Variants in SNRPN observed in about 807,000 individuals in gnomAD.
The protein encoded by SNRPN is small nuclear ribonucleoprotein-associated protein N.
A neutral mutation model predicts 25.2 loss-of-function variants in SNRPN; 7 were observed. The observed-to-expected ratio is 0.28, with a 90% CI of 0.16 to 0.52. The LOEUF (loss-of-function observed/expected upper bound fraction) is 0.52. SNRPN is among the 20% of genes least tolerant of loss of function. SNRPN has a pLI of 0.96. For synonymous variants in SNRPN, 124 were observed against 110.6 expected, an observed-to-expected ratio of 1.12 and a Z score of -0.76; for missense variants, 196 against 322.5, an observed-to-expected ratio of 0.61 and a Z score of 3.00.
intron 2 of SNRPN, among the ~76,000 whole-genome samples, chr15:24,965,653 C>T (rs545448782): frequency 6.6e-6 from 1 of 152,140 alleles, no homozygotes; most frequent in East Asian, 1.9e-4. Context: ...ATCGTGAGTT[C>T]GAAGGGAAAT....
At chr15:24,843,442 G>C (rs2051872661) in intron 2 of SNRPN, among the ~76,000 whole-genome samples, 1 of 152,122 alleles carries the variant, frequency 6.6e-6, no homozygotes, top group South Asian at 2.1e-4. Flanking sequence ...GAGGCCAACA[G>C]TTCAAGAGCA....
chr15:24,923,505 T>C (rs1003998875), intron 3 of SNRPN, among the ~76,000 whole-genome samples: 2 of 152,148 alleles, frequency 1.3e-5, no homozygotes, highest in Admixed American at 6.6e-5. Context: ...ACATGCACAG[T>C]TGATGAAAAG....
intron 1 of SNRPN, among the ~76,000 whole-genome samples, chr15:24,882,381 A>T (rs1331543417): frequency 6.6e-6 from 1 of 152,180 alleles, no homozygotes; most frequent in South Asian, 2.1e-4. Flanking sequence ...ATATTTTAGC[A>T]AGCATGATTT....
intron 5 of SNRPN, 90 bp from the exon 6 acceptor site, chr15:24,976,215 G>A: frequency 1.0e-6 from 1 of 976,222 alleles, no homozygotes; most frequent in Non-Finnish European, 1.6e-6. Context: ...AGCATCAGTT[G>A]TCTTAATTGA....
Position 24,928,739 on chromosome 15 carries a change from G to A in SNRPN, c.-391+8615G>A, listed in dbSNP as rs377398463. 5.8e-3 allele frequency among the ~76,000 whole-genome samples: 890 copies of A among 152,158 alleles called. 3 individuals carry two copies. Among genetic ancestry groups the A allele is most frequent in the Middle Eastern group, 0.024 (7 of 294 alleles). On this transcript the variant is annotated intron_variant, in intron 3 of 11. Transcript: ENST00000400097. Reference sequence around the variant, plus strand: ...CAATCCTCCTGCCTCAGCTTCTGGAGTAGCTACAGGCACATGCCATCATGC... The same window carrying A: ...CAATCCTCCTGCCTCAGCTTCTGGAATAGCTACAGGCACATGCCATCATGC...
At chr15:24,845,101 T>C (rs1203123190) in intron 2 of SNRPN, among the ~76,000 whole-genome samples, 1 of 152,192 alleles carries the variant, frequency 6.6e-6, no homozygotes, top group East Asian at 1.9e-4. Context: ...TGAATTTCCG[T>C]GGCACATGAG....
intron 1 of SNRPN, among the ~76,000 whole-genome samples, chr15:24,883,979 T>C (rs1245558697): frequency 1.5e-5 from 2 of 136,528 alleles, no homozygotes; most frequent in Admixed American, 1.7e-4. Context: ...GCACTCCAGC[T>C]GGGACAACAG....
At chr15:24,896,817 GC>G (rs1371354227) in intron 2 of SNRPN, among the ~76,000 whole-genome samples, 1 of 152,156 alleles carries the variant, frequency 6.6e-6, no homozygotes, top group Admixed American at 6.5e-5. Flanking sequence ...GAATTCTATA[GC>G]CATTGTAAAA....
At chr15:24,881,368 C>A (rs1275690286) in intron 1 of SNRPN, among the ~76,000 whole-genome samples, 6 of 146,362 alleles carry the variant, frequency 4.1e-5, no homozygotes, top group African/African-American at 7.6e-5. Context: ...ACTAAAAATA[C>A]AAAAAAAAAA....
chr15:24,974,611 G>A lies in SNRPN; in HGVS notation c.3+155G>A, dbSNP rs1296684212. 104 of 766,688 alleles carry A rather than the reference G, an allele frequency of 1.4e-4. No individual in the cohort carries two copies. In the East Asian group the frequency reaches 1.6e-3, roughly 12 times the overall value. 47.5% of individuals were successfully genotyped at this position (766,688 alleles called of 1,614,324 possible). A position where few individuals can be genotyped will look rare whatever the true frequency, so the allele number is the denominator to read the frequency against. The stretch of plus-strand genomic sequence containing the variant: ...ATTGCATTGAGTATCAGCTGAAGAT[G>A]AGCTGATTTTTTTATTTTTATTTTT... On this transcript the variant is annotated intron_variant, in intron 4 of 9. Transcript: ENST00000390687.
At chr15:24,889,516 A>G (rs574443583) in intron 2 of SNRPN, among the ~76,000 whole-genome samples, 72 of 150,728 alleles carry the variant, frequency 4.8e-4, no homozygotes, top group Non-Finnish European at 7.8e-4. Flanking sequence ...CGTGTTAGCC[A>G]GGATGGTCTT....
chr15:24,920,572 G>A (rs1279440887), intron 3 of SNRPN: 1 of 152,152 alleles, frequency 6.6e-6, no homozygotes, highest in Admixed American at 6.6e-5. Flanking sequence ...CACTAACCTG[G>A]GTTAGAGAAA....
chr15:24,916,272 T>C (rs1050898270), intron 2 of SNRPN, among the ~76,000 whole-genome samples: 1 of 152,154 alleles, frequency 6.6e-6, no homozygotes, highest in Non-Finnish European at 1.5e-5. Flanking sequence ...GGTTGACTTA[T>C]TCTTTTAAGG....
At chr15:24,974,155 G>A (rs2076793806) in intron 3 of SNRPN, 156 bp from the exon 4 acceptor site, 1 of 416,482 alleles carries the variant, frequency 2.4e-6, no homozygotes, top group South Asian at 3.2e-5. Context: ...TAAGAATGAG[G>A]GACTAGGGAA....
At chr15:24,915,872 A>C (rs1173647557) in intron 2 of SNRPN, among the ~76,000 whole-genome samples, 1 of 151,714 alleles carries the variant, frequency 6.6e-6, no homozygotes, top group African/African-American at 2.4e-5. Flanking sequence ...TTTAGGAATG[A>C]TATTCAGCTA....
chr15:24,879,115 T>C (rs1333431704), intron 1 of SNRPN, among the ~76,000 whole-genome samples: 1 of 152,140 alleles, frequency 6.6e-6, no homozygotes. Flanking sequence ...TTTAAGTGAT[T>C]ATTTTCCGCC....
intron 3 of SNRPN, among the ~76,000 whole-genome samples, chr15:24,940,631 A>G (rs2061493853): frequency 6.6e-6 from 1 of 152,158 alleles, no homozygotes; most frequent in African/African-American, 2.4e-5. Context: ...TGTGACTTGT[A>G]GGACTACGTG....
chr15:24,909,746 C>A lies in SNRPN; in HGVS notation c.-504-10265C>A. On this transcript the variant is annotated intron_variant, in intron 2 of 11. Transcript: ENST00000400097. ...TTTCCGAGTATCGTAATCAGTTTTA[C>A]CCTCTCATCATCGTCTTCTAAATTT... 3.2e-6 allele frequency: 4 copies of A among 1,254,038 alleles called. No individual in the cohort carries two copies. The South Asian group carries it at 4.8e-5, about 15-fold the overall frequency. The allele number at this position is 1,254,038 out of a possible 1,614,324, so 77.7% of individuals were successfully genotyped here.
chr15:24,879,123 G>A (rs1010302093), intron 1 of SNRPN, among the ~76,000 whole-genome samples: 3 of 152,076 alleles, frequency 2.0e-5, no homozygotes, highest in Non-Finnish European at 4.4e-5. Context: ...ATTATTTTCC[G>A]CCACGTATTC....
Sources: gnomAD v4.1 joint callset for allele counts (sites outside exome capture counted in the v4.1 genomes callset) on GRCh38, gnomAD v4.1.1 for gene constraint, MANE v1.5 for transcripts, NCBI Gene and HGNC (gene_info 2026-07-23, HGNC 2026-07-21) for gene names.